The following ITPRID1 variants were observed in gnomAD, a reference collection of about 807,000 sequenced individuals.
ITPRID1 encodes the protein protein ITPRID1.
ITPRID1 carries 96 observed loss-of-function variants against 95.4 expected under a neutral mutation model. The observed-to-expected ratio is 1.01, with a 90% CI of 0.85 to 1.19. The LOEUF is 1.19. ITPRID1 is among the 50% of genes most tolerant of loss of function. The pLI, the probability that ITPRID1 is intolerant of heterozygous loss-of-function variation, is 0.00. For missense variants in ITPRID1, 1,339 were observed against 1,252.9 expected (o/e 1.07, Z -1.04); for synonymous variants, 510 against 453.6 (o/e 1.12, Z -1.58).
chr7:31,641,594 T>G (rs527878660), intron 10 of ITPRID1, among the ~76,000 whole-genome samples: 3 of 152,220 alleles, frequency 2.0e-5, no homozygotes, highest in Admixed American at 6.5e-5. Context: ...TAACATTTCA[T>G]GGATGCTCCT....
chr7:31,580,415 GTTC>G (rs1562585026), intron 9 of ITPRID1, among the ~76,000 whole-genome samples: 2 of 152,020 alleles, frequency 1.3e-5, no homozygotes, highest in Admixed American at 6.5e-5. Flanking sequence ...GTCCCTGAAG[GTTC>G]TTCTGCTTCA....
At chr7:31,640,698 G>GA (rs1789944913) in intron 10 of ITPRID1, among the ~76,000 whole-genome samples, 1 of 151,930 alleles carries the variant, frequency 6.6e-6, no homozygotes, top group Admixed American at 6.6e-5. Flanking sequence ...CGGGTAGGAG[G>GA]AAAAATCTAG....
intron 10 of ITPRID1, among the ~76,000 whole-genome samples, chr7:31,612,078 CTTA>C (rs763641628): frequency 6.4e-4 from 97 of 151,736 alleles, no homozygotes; most frequent in Admixed American, 1.2e-3. Context: ...TTTTAATTGG[CTTA>C]TTTTCAAGGT....
At chr7:31,629,602 C>T (rs1020226265) in intron 10 of ITPRID1, among the ~76,000 whole-genome samples, 6 of 152,150 alleles carry the variant, frequency 3.9e-5, no homozygotes, top group Admixed American at 2.6e-4. Flanking sequence ...GGAAGCAGTG[C>T]GAATTTTATC....
At chr7:31,639,134 GT>G (rs1342846057) in intron 10 of ITPRID1, among the ~76,000 whole-genome samples, 1 of 152,148 alleles carries the variant, frequency 6.6e-6, no homozygotes, top group Admixed American at 6.6e-5. Flanking sequence ...GGTGCTTGGA[GT>G]TTGTTGGACT....
At chr7:31,623,079 C>A (rs1464229188) in intron 10 of ITPRID1, among the ~76,000 whole-genome samples, 2 of 152,140 alleles carry the variant, frequency 1.3e-5, no homozygotes, top group African/African-American at 4.8e-5. Context: ...CTGAATAGGC[C>A]AATAACAGGA....
chr7:31,637,973 A>G (rs1022789601), intron 10 of ITPRID1, among the ~76,000 whole-genome samples: 3 of 152,086 alleles, frequency 2.0e-5, no homozygotes, highest in South Asian at 2.1e-4. Flanking sequence ...AGTTTTCCCA[A>G]CACCATTTAT....
Position 31,549,435 on chromosome 7 carries a change from G to A in ITPRID1, c.-88G>A. ...CTTCTTTACTTGACAGTTCCTGACAGGATAAGGACAAGAAGCAACACACAG... is the reference window on the plus strand; with the variant it reads ...CTTCTTTACTTGACAGTTCCTGACAAGATAAGGACAAGAAGCAACACACAG... On this transcript the variant is annotated 5_prime_UTR_variant, in exon 2 of 15. Transcript: ENST00000615280. 7 of 1,485,136 alleles carry A rather than the reference G, an allele frequency of 4.7e-6. No individual in the cohort carries two copies. The highest frequency in any genetic ancestry group is 3.5e-4 in the Middle Eastern group (2 of 5,732). The allele number at this position is 1,485,136 out of a possible 1,614,324, so 92.0% of individuals were successfully genotyped here.
chr7:31,553,529 C>T (rs1328464624), intron 3 of ITPRID1, among the ~76,000 whole-genome samples: 1 of 152,160 alleles, frequency 6.6e-6, no homozygotes, highest in African/African-American at 2.4e-5. Context: ...TATTGAAAAA[C>T]TCTGATTTGT....
intron 10 of ITPRID1, among the ~76,000 whole-genome samples, chr7:31,641,632 G>T (rs576503779): frequency 6.6e-6 from 1 of 152,118 alleles, no homozygotes; most frequent in South Asian, 2.1e-4. Flanking sequence ...CTGCCCACAC[G>T]TGACTTTGCC....
chr7:31,635,215 GA>G (rs1789369228), intron 10 of ITPRID1, among the ~76,000 whole-genome samples: 1 of 152,148 alleles, frequency 6.6e-6, no homozygotes, highest in Non-Finnish European at 1.5e-5. Flanking sequence ...GACTCTAAGG[GA>G]ATATTTAGAA....
chr7:31,529,229 C>A (rs779603822), intron 1 of ITPRID1, among the ~76,000 whole-genome samples: 21 of 152,170 alleles, frequency 1.4e-4, no homozygotes, highest in Non-Finnish European at 2.8e-4. Context: ...ATCTCTCCAT[C>A]CTGAATATCA....
chr7:31,633,903 C>G (rs1269510132), intron 10 of ITPRID1, among the ~76,000 whole-genome samples: 1 of 152,200 alleles, frequency 6.6e-6, no homozygotes, highest in Non-Finnish European at 1.5e-5. Flanking sequence ...CTCCCTCTTC[C>G]CATGTAACTT....
chr7:31,526,474 A>G (rs1783424925), intron 1 of ITPRID1, among the ~76,000 whole-genome samples: 1 of 152,338 alleles, frequency 6.6e-6, no homozygotes, highest in African/African-American at 2.4e-5. Context: ...AAGATGGGTT[A>G]ATAATAACTT....
intron 1 of ITPRID1, chr7:31,517,342 C>T (rs541703471): frequency 3.3e-5 from 5 of 152,496 alleles, no homozygotes; most frequent in African/African-American, 7.2e-5. Flanking sequence ...TTTAGCTAGA[C>T]GGAAAAGTTC....
chr7:31,550,388 G>A (rs1333880247), intron 2 of ITPRID1, among the ~76,000 whole-genome samples: 1 of 152,106 alleles, frequency 6.6e-6, no homozygotes, highest in Non-Finnish European at 1.5e-5. Flanking sequence ...TTGGGGACAA[G>A]TCAAAGAATT....
At chr7:31,556,117 G>T (rs1025829020) in intron 5 of ITPRID1, among the ~76,000 whole-genome samples, 3 of 151,978 alleles carry the variant, frequency 2.0e-5, no homozygotes, top group Non-Finnish European at 4.4e-5. Flanking sequence ...CATACTAAAA[G>T]CTTCACTTCC....
intron 1 of ITPRID1, chr7:31,529,876 A>T: frequency 7.3e-7 from 1 of 1,375,726 alleles, no homozygotes; most frequent in Non-Finnish European, 1.0e-6. Context: ...CCTGTTGGGG[A>T]GGGGTATTAG....
At chr7:31,635,187 G>A (rs559433366) in intron 10 of ITPRID1, among the ~76,000 whole-genome samples, 1 of 152,258 alleles carries the variant, frequency 6.6e-6, no homozygotes, top group African/African-American at 2.4e-5. Context: ...CTCATCCTTT[G>A]TCTCATTTAA....
Sources: allele counts gnomAD v4.1 joint callset (sites outside exome capture counted in the v4.1 genomes callset), GRCh38; gene constraint gnomAD v4.1.1; transcripts MANE v1.5; gene names NCBI Gene and HGNC (gene_info 2026-07-23, HGNC 2026-07-21).